Variants in TMEM63A observed in about 807,000 individuals in gnomAD.
TMEM63A encodes mechanosensitive cation channel TMEM63A.
Under a neutral mutation model 100.6 loss-of-function variants are expected in TMEM63A, and 76 were observed. The observed-to-expected ratio is 0.76, with a 90% CI of 0.63 to 0.91. The LOEUF (loss-of-function observed/expected upper bound fraction) is 0.91, where lower values mean the gene tolerates loss of function less well. Ranked by LOEUF, TMEM63A falls within the 40% of genes least tolerant of loss-of-function variation. The pLI, the probability that TMEM63A is intolerant of heterozygous loss-of-function variation, is 0.00. For missense variants in TMEM63A, 876 were observed against 1,008.8 expected, an observed-to-expected ratio of 0.87 and a Z score of 1.78; for synonymous variants, 401 against 401.1, an observed-to-expected ratio of 1.00 and a Z score of 0.00.
In TMEM63A at chr1:225,848,521, C is replaced by T. The variant is rs545829694; in HGVS notation, c.2221G>A (p.Ala741Thr). The T allele has an allele frequency of 6.2e-6, 10 of 1,614,128 alleles. No homozygotes were observed. In the Admixed American group the frequency reaches 1.0e-4, roughly 16 times the overall value. The change falls in exon 23 of 25, where the codon GCA (alanine) becomes ACA (threonine). Residue 741 changes from alanine to threonine, a missense_variant. This residue lies in a region of TMEM63A where 339 missense variants were observed against 342.3 expected (regional missense o/e 0.99). Coordinates refer to ENST00000366835, the MANE Select transcript of TMEM63A (RefSeq NM_014698.3). ...AACGGTGGGGGCATGTGGGCCTCTGCCTCACTTCCTTTGTCACTTGCAGGC... is the reference window on the plus strand; with the variant it reads ...AACGGTGGGGGCATGTGGGCCTCTGTCTCACTTCCTTTGTCACTTGCAGGC... ...EEPASDKGSEAEAHMPPPFTP... is the reference protein window; with the variant it reads ...EEPASDKGSETEAHMPPPFTP...
intron 18 of TMEM63A, among the ~76,000 whole-genome samples, chr1:225,854,142 G>C (rs1257786271): frequency 2.7e-5 from 1 of 36,772 alleles, no homozygotes; most frequent in Admixed American, 3.7e-4. Context: ...GGTGATATTC[G>C]TGCAGAAATG....
intron 4 of TMEM63A, among the ~76,000 whole-genome samples, chr1:225,874,086 T>C (rs1670653709): frequency 6.6e-6 from 1 of 152,178 alleles, no homozygotes; most frequent in Non-Finnish European, 1.5e-5. Context: ...GTAGATACAC[T>C]TAATGAACAC....
downstream of TMEM63A, chr1:225,842,339 T>C (rs1668497577): frequency 3.3e-6 from 5 of 1,515,660 alleles, no homozygotes; most frequent in Non-Finnish European, 4.6e-6. Flanking sequence ...GGCCTGAGTC[T>C]CTCCCTTGCT....
intron 15 of TMEM63A, among the ~76,000 whole-genome samples, chr1:225,858,006 C>T (rs1210121188): frequency 6.6e-6 from 1 of 152,168 alleles, no homozygotes; most frequent in African/African-American, 2.4e-5. Flanking sequence ...CAGCCTCACG[C>T]CCTGTATAAT....
chr1:225,876,472 T>C (rs1433803699), intron 3 of TMEM63A, among the ~76,000 whole-genome samples: 1 of 152,134 alleles, frequency 6.6e-6, no homozygotes, highest in African/African-American at 2.4e-5. Flanking sequence ...GGCCAGCCCA[T>C]GGCATTTGTG....
Position 225,845,544 on chromosome 1 carries a change from T to A in TMEM63A, c.*1395A>T. 1 of 618,950 alleles carries A rather than the reference T, an allele frequency of 1.6e-6. No individual in the cohort carries two copies. The highest frequency in any genetic ancestry group is 2.8e-6 in the Non-Finnish European group (1 of 353,982). The allele number at this position is 618,950 out of a possible 1,614,324, so 38.3% of individuals were successfully genotyped here. On this transcript the variant is annotated 3_prime_UTR_variant, in exon 25 of 25. Coordinates refer to ENST00000366835, the MANE Select transcript of TMEM63A (RefSeq NM_014698.3). Reference sequence around the variant, plus strand: ...GTGGTAAGCAACATGGCTTTGATGATAAACGACTTTACTCTAAAAGCGGCT... The same window carrying A: ...GTGGTAAGCAACATGGCTTTGATGAAAAACGACTTTACTCTAAAAGCGGCT...
intron 22 of TMEM63A, 109 bp downstream of exon 22, chr1:225,848,788 G>A (rs1487561479): frequency 1.0e-6 from 1 of 960,640 alleles, no homozygotes; most frequent in African/African-American, 1.6e-5. Context: ...ATCTGGAGAA[G>A]GCTGCTGCTG....
At position 225,846,719 on chromosome 1, in the gene TMEM63A, G is replaced by A. The variant is rs1669010368; in HGVS notation, c.*220C>T. On this transcript the variant is annotated 3_prime_UTR_variant, in exon 25 of 25. Transcript: ENST00000366835. Reference sequence around the variant, plus strand: ...ATGGTCTTGGCGACAAACCACTGGGGATGTCACCCCAGCTGCAGAGCTGGA... The same window carrying A: ...ATGGTCTTGGCGACAAACCACTGGGAATGTCACCCCAGCTGCAGAGCTGGA... 3.5e-6 allele frequency: 1 copy of A among 282,860 alleles called. No individual in the cohort carries two copies. The highest frequency in any genetic ancestry group is 2.2e-5 in the African/African-American group (1 of 46,032). The allele number at this position is 282,860 out of a possible 1,614,324, so 17.5% of individuals were successfully genotyped here. A position where few individuals can be genotyped will look rare whatever the true frequency, so the allele number is the denominator to read the frequency against.
intron 15 of TMEM63A, among the ~76,000 whole-genome samples, chr1:225,857,629 T>C (rs761667353): frequency 8.5e-5 from 13 of 152,112 alleles, no homozygotes; most frequent in Non-Finnish European, 1.5e-4. Context: ...CGCTGTTAAT[T>C]AGATGAGAGT....
chr1:225,874,504 T>C, intron 3 of TMEM63A, 137 bp from the exon 4 acceptor site: 1 of 694,292 alleles, frequency 1.4e-6, no homozygotes, highest in South Asian at 1.9e-5. Flanking sequence ...GAGAGGGCAC[T>C]GAAGTGCCCA....
At chr1:225,869,666 CTTT>C (rs10638876) in intron 6 of TMEM63A, among the ~76,000 whole-genome samples, 3 of 109,908 alleles carry the variant, frequency 2.7e-5, no homozygotes, top group South Asian at 5.9e-4. Flanking sequence ...CTTTTCTTTT[CTTT>C]TTTTTTTTTT....
chr1:225,866,673 G>C lies in TMEM63A; in HGVS notation c.576C>G (p.Leu192=), dbSNP rs749092567. The part of the protein sequence containing the change: ...TIANLQTDND[L]LWLHTIFAVI... ...CAGCAAAGATGGTGTGCAGCCAAAGGAGGTCATTGCTGAGAGGGAAACCAC... is the reference window on the plus strand; with the variant it reads ...CAGCAAAGATGGTGTGCAGCCAAAGCAGGTCATTGCTGAGAGGGAAACCAC... Residue 192 remains leucine, a synonymous_variant, in exon 9 of 25, where the codon CTC becomes CTG. Transcript: ENST00000366835. 1 of 1,614,090 alleles carries C rather than the reference G, an allele frequency of 6.2e-7. No individual in the cohort carries two copies. The highest frequency in any genetic ancestry group is 8.5e-7 in the Non-Finnish European group (1 of 1,179,996).
At chr1:225,845,530 C>T (rs897049730), downstream of TMEM63A, 7 of 637,678 alleles carry the variant, frequency 1.1e-5, no homozygotes, top group East Asian at 1.9e-4. Flanking sequence ...TGGTAAGCAA[C>T]ATGGCTTTGA....
chr1:225,881,489 C>T (rs1316514721), intron 1 of TMEM63A, among the ~76,000 whole-genome samples: 5 of 152,196 alleles, frequency 3.3e-5, no homozygotes, highest in African/African-American at 1.2e-4. Flanking sequence ...TAGAGCCCAA[C>T]GAACAGCTAG....
rs1430454369 is a variant in TMEM63A, at chr1:225,848,502, G to A, written c.2240C>T (p.Pro747Leu). Residue 747 changes from proline (P) to leucine (L), a missense_variant, in exon 23 of 25, where the codon CCA becomes CTA. Pro to Leu is a moderately conservative substitution (Grantham distance 98, BLOSUM62 -3). This residue lies in a region of TMEM63A where 339 missense variants were observed against 342.3 expected (regional missense o/e 0.99). Transcript: ENST00000366835. ...KGSEAEAHMP[P>L]PFTPYVPRIL... ...AGGGGCACAGCTTACTGTGAACGGT[G>A]GGGGCATGTGGGCCTCTGCCTCACT... The A allele has an allele frequency of 2.5e-6, 4 of 1,614,136 alleles. No homozygotes were observed. In the South Asian group the frequency reaches 3.3e-5, roughly 13 times the overall value.
intron 13 of TMEM63A, chr1:225,861,986 C>T (rs1182647555): frequency 4.7e-6 from 3 of 641,010 alleles, no homozygotes; most frequent in Non-Finnish European, 7.9e-6. Context: ...AGGGGGTCAG[C>T]CAGAATCACC....
intron 10 of TMEM63A, chr1:225,863,926 AAAAAAAAAAAAAAAC>A (rs1016950274): frequency 1.3e-5 from 2 of 148,800 alleles, no homozygotes; most frequent in Non-Finnish European, 3.0e-5. Context: ...AAAAAAAAAA[AAAAAAAAAAAAAAAC>A]CCAGCAAAAT....
At chr1:225,863,829 T>C (rs1253202435) in intron 10 of TMEM63A, 1 of 133,434 alleles carries the variant, frequency 7.5e-6, no homozygotes, top group Non-Finnish European at 1.5e-5. Flanking sequence ...GGCACGAGAA[T>C]CACTTGAACC....
At chr1:225,866,828 G>T in intron 8 of TMEM63A, 146 bp from the exon 9 acceptor site, 1 of 753,662 alleles carries the variant, frequency 1.3e-6, no homozygotes, top group Non-Finnish European at 2.2e-6. Flanking sequence ...AGGTTGTGTG[G>T]CCAGCACCCC....
Sources: allele counts gnomAD v4.1 joint callset (sites outside exome capture counted in the v4.1 genomes callset), GRCh38; gene constraint gnomAD v4.1.1; regional missense constraint gnomAD v4.1.1; transcripts MANE v1.5; gene names NCBI Gene and HGNC (gene_info 2026-07-23, HGNC 2026-07-21).